Variants in VPS53 observed in about 807,000 individuals in gnomAD.
VPS53 encodes VPS53 subunit of GARP complex.
VPS53 carries 70 observed loss-of-function variants against 107.0 expected under a neutral mutation model. The ratio of observed to expected loss-of-function variants is 0.65; its 90% CI spans 0.54 to 0.80. The LOEUF (loss-of-function observed/expected upper bound fraction) is 0.80, where lower values mean the gene tolerates loss of function less well. Among genes scored for constraint, VPS53 ranks in the 30% least tolerant of loss-of-function variants. The pLI is 0.00. For missense variants in VPS53, 917 were observed against 1,049.4 expected (o/e 0.87, Z 1.74); for synonymous variants, 409 against 393.3 (o/e 1.04, Z -0.47).
chr17:648,269 C>A (rs767498309), intron 7 of VPS53, among the ~76,000 whole-genome samples: 1 of 152,168 alleles, frequency 6.6e-6, no homozygotes, highest in Non-Finnish European at 1.5e-5. Context: ...AAAATAAGGC[C>A]GGGCACGGTG....
rs1908582527 is a variant in VPS53, at chr17:519,790, G to T, written c.2328+36C>A. The T allele has an allele frequency of 2.8e-6, 4 of 1,419,688 alleles. No homozygotes were observed. Among genetic ancestry groups the T allele is most frequent in the Middle Eastern group, 1.7e-4 (1 of 5,764 alleles). 87.9% of individuals were successfully genotyped at this position (1,419,688 alleles called of 1,614,324 possible). The stretch of plus-strand genomic sequence containing the variant: ...GTTAAGAACCGCTGAGTGTGAGGGG[G>T]ATGAGCAGGTGTGGACCAAATGTCC... On this transcript the variant is annotated intron_variant, in intron 21 of 21. Coordinates refer to ENST00000437048, the MANE Select transcript of VPS53 (RefSeq NM_001128159.3). The surrounding 1 kb of genome is among the most constrained non-coding windows in gnomAD (Gnocchi z 5.0).
At position 517,709 on chromosome 17, in the gene VPS53, C is replaced by T. The variant is rs950316718; in HGVS notation, c.*1419G>A. 2.1e-5 allele frequency: 6 copies of T among 288,630 alleles called. No homozygotes were observed. The highest frequency in any genetic ancestry group is 1.1e-4 in the African/African-American group (5 of 45,884). 17.9% of individuals were successfully genotyped at this position (288,630 alleles called of 1,614,324 possible). On this transcript the variant is annotated 3_prime_UTR_variant, in exon 22 of 22. Transcript: ENST00000437048. ...TAATTTTTTTTATTTTTAGTTGAGA[C>T]AGGGTTTCGCCATGTTGGGCAGGCT...
At chr17:644,239 G>A (rs1378492700) in intron 7 of VPS53, among the ~76,000 whole-genome samples, 1 of 152,220 alleles carries the variant, frequency 6.6e-6, no homozygotes, top group Non-Finnish European at 1.5e-5. Flanking sequence ...CAAGGCTCAT[G>A]AACTTCCTAT....
intron 2 of VPS53, among the ~76,000 whole-genome samples, chr17:708,358 G>A (rs1207842939): frequency 6.6e-6 from 1 of 152,176 alleles, no homozygotes; most frequent in East Asian, 1.9e-4. Context: ...CAGAGAGGGA[G>A]GACAGCAGAC....
At chr17:643,470 A>ATACTTGGAAATCC (rs1481582842) in intron 7 of VPS53, among the ~76,000 whole-genome samples, 1 of 119,788 alleles carries the variant, frequency 8.3e-6, no homozygotes, top group Admixed American at 8.3e-5. Flanking sequence ...CTTGGAAATC[A>ATACTTGGAAATCC]AGGACAACAC....
intron 12 of VPS53, among the ~76,000 whole-genome samples, chr17:594,014 A>G (rs546505603): frequency 0.011 from 1,685 of 152,374 alleles, 27 homozygotes; most frequent in African/African-American, 0.034. Context: ...TTGTAGGGAC[A>G]TGGATGAAAT....
intron 4 of VPS53, among the ~76,000 whole-genome samples, chr17:668,910 C>T (rs1971817770): frequency 6.6e-6 from 1 of 152,144 alleles, no homozygotes; most frequent in African/African-American, 2.4e-5. Context: ...TTCCAGCAAA[C>T]AAATAAGACT....
rs1298603470 is a variant in VPS53, at chr17:653,332, G to C, written c.567C>G (p.His189Gln). Residue 189 changes from histidine to glutamine, a missense_variant, in exon 7 of 22, where the codon CAC (histidine) becomes CAG (glutamine). Coordinates refer to ENST00000437048, the MANE Select transcript of VPS53 (RefSeq NM_001128159.3). The part of the protein sequence containing the change: ...QGVMNVLEHF[H>Q]KYMGIPQIRQ... ...GGATCTGCGGAATCCCCATATACTT[G>C]TGGAAGTGCTCCAGGACATTCATCA... is the stretch of plus-strand genomic sequence containing the variant. 3 of 1,614,050 alleles carry C rather than the reference G, an allele frequency of 1.9e-6. No homozygotes were observed. The African/African-American group carries it at 4.0e-5, about 22-fold the overall frequency.
chr17:552,883 G>C, intron 16 of VPS53: 1 of 428,914 alleles, frequency 2.3e-6, no homozygotes, highest in African/African-American at 2.0e-5. Context: ...CTGTGTAGTG[G>C]AGAAAGGGCA....
chr17:550,104 G>A (rs531603621), intron 17 of VPS53, among the ~76,000 whole-genome samples: 14 of 152,266 alleles, frequency 9.2e-5, no homozygotes, highest in East Asian at 5.8e-4. Flanking sequence ...AGACCCGCCC[G>A]TTCCATGTTT....
intron 7 of VPS53, among the ~76,000 whole-genome samples, chr17:650,175 G>A (rs543479836): frequency 1.3e-5 from 2 of 152,320 alleles, no homozygotes; most frequent in South Asian, 2.1e-4. Flanking sequence ...CTTAGAGTAT[G>A]AGAAACTCAT....
At chr17:623,346 G>A (rs545572941) in intron 11 of VPS53, among the ~76,000 whole-genome samples, 187 bp downstream of exon 11, 2 of 152,186 alleles carry the variant, frequency 1.3e-5, no homozygotes, top group African/African-American at 4.8e-5. Flanking sequence ...GATGTACTGC[G>A]TAAGAGACAA....
intron 6 of VPS53, among the ~76,000 whole-genome samples, chr17:654,904 A>G (rs1053572734): frequency 6.6e-6 from 1 of 152,144 alleles, no homozygotes; most frequent in African/African-American, 2.4e-5. Flanking sequence ...ACGAAGGAAC[A>G]AATGTGACCG....
chr17:707,425 C>G (rs1215714178), intron 2 of VPS53, among the ~76,000 whole-genome samples: 1 of 148,966 alleles, frequency 6.7e-6, no homozygotes, highest in African/African-American at 2.5e-5. Context: ...GAGGCTGACA[C>G]AGGAGAATCA....
At chr17:698,780 T>C (rs929192177) in intron 3 of VPS53, among the ~76,000 whole-genome samples, 1 of 152,204 alleles carries the variant, frequency 6.6e-6, no homozygotes, top group African/African-American at 2.4e-5. Context: ...AAAAGATGTT[T>C]TGAGTAGACT....
rs73975023 is a variant in VPS53, at chr17:700,049, G to C, written c.169-669C>G. On this transcript the variant is annotated intron_variant, in intron 2 of 21. Transcript: ENST00000437048. ...TGTTCATTTTGTGAAACTTCATCAA[G>C]TTGTACCCTTAAGATTTGTGTACTC... Among the ~76,000 whole-genome samples the C allele has an allele frequency of 2.6e-3, 397 of 152,200 alleles. 3 individuals carry two copies. The highest frequency in any genetic ancestry group is 9.2e-3 in the African/African-American group (384 of 41,520).
At chr17:606,414 G>A (rs1457628056) in intron 11 of VPS53, among the ~76,000 whole-genome samples, 2 of 152,086 alleles carry the variant, frequency 1.3e-5, no homozygotes, top group African/African-American at 4.8e-5. Flanking sequence ...TACCTACCTC[G>A]TATGGCTGCC....
At chr17:709,188 G>A (rs1442499804) in intron 2 of VPS53, among the ~76,000 whole-genome samples, 1 of 125,830 alleles carries the variant, frequency 7.9e-6, no homozygotes, top group Non-Finnish European at 1.9e-5. Context: ...GGCGCATCAC[G>A]CTCTGTCACG....
intron 7 of VPS53, among the ~76,000 whole-genome samples, chr17:634,427 G>A (rs1007237499): frequency 4.0e-5 from 6 of 151,528 alleles, no homozygotes; most frequent in Admixed American, 3.9e-4. Flanking sequence ...TTCAGTTTTA[G>A]GGTACATGTG....
Sources: gnomAD v4.1 joint callset for allele counts (sites outside exome capture counted in the v4.1 genomes callset) on GRCh38, gnomAD v4.1.1 for gene constraint, Gnocchi (gnomAD v3.1) non-coding constraint, MANE v1.5 for transcripts, NCBI Gene and HGNC (gene_info 2026-07-23, HGNC 2026-07-21) for gene names.